The following TNRC6A variants were observed in gnomAD, a reference collection of about 807,000 sequenced individuals.
TNRC6A encodes the protein trinucleotide repeat containing adaptor 6A.
In TNRC6A, 44 loss-of-function variants were observed where a neutral mutation model predicts 221.2. That is an observed-to-expected ratio of 0.20 (90% CI 0.16 to 0.26). The LOEUF is 0.26. Among genes scored for constraint, TNRC6A ranks in the 10% least tolerant of loss-of-function variants. The pLI is 1.00. For synonymous variants in TNRC6A, 847 were observed against 838.5 expected (o/e 1.01, Z -0.18); for missense variants, 2,199 against 2,404.4 (o/e 0.91, Z 1.79).
intron 5 of TNRC6A, chr16:24,778,257 A>C: frequency 1.0e-6 from 1 of 983,982 alleles, no homozygotes; most frequent in Middle Eastern, 5.2e-4. Flanking sequence ...TAACTGTGCC[A>C]GGTAGTTACT....
chr16:24,712,883 A>AG (rs1028239555), intron 2 of TNRC6A, among the ~76,000 whole-genome samples: 1 of 147,178 alleles, frequency 6.8e-6, no homozygotes, highest in Non-Finnish European at 1.5e-5. Context: ...CCTCTTGAGA[A>AG]TTTGGGGCCA....
chr16:24,805,399 A>G lies in TNRC6A; in HGVS notation c.4123-206A>G, dbSNP rs913705122. 7 of 878,352 alleles carry G rather than the reference A, an allele frequency of 8.0e-6. No individual in the cohort carries two copies. The East Asian group carries it at 1.9e-4, about 23-fold the overall frequency. 54.4% of individuals were successfully genotyped at this position (878,352 alleles called of 1,614,324 possible). Reference sequence around the variant, plus strand: ...GGACAAAAGCAAAGTAAAATTGACTAGTTTAAGATGCACCTCTGTCATCTT... The same window carrying G: ...GGACAAAAGCAAAGTAAAATTGACTGGTTTAAGATGCACCTCTGTCATCTT... On this transcript the variant is annotated intron_variant, in intron 14 of 24. Coordinates refer to ENST00000395799, the MANE Select transcript of TNRC6A (RefSeq NM_014494.4).
chr16:24,626,226 G>A (rs1237531393), intron 1 of TNRC6A, among the ~76,000 whole-genome samples: 2 of 151,912 alleles, frequency 1.3e-5, no homozygotes, highest in Admixed American at 6.6e-5. Flanking sequence ...TTGCTCCAAT[G>A]TGCCACCAGG....
chr16:24,726,234 A>C (rs1169510092), upstream of TNRC6A, among the ~76,000 whole-genome samples: 1 of 152,090 alleles, frequency 6.6e-6, no homozygotes, highest in Non-Finnish European at 1.5e-5. Context: ...CAAGAGAATA[A>C]ATGAGATTAC....
At chr16:24,719,840 C>CA (rs59027857) in intron 2 of TNRC6A, among the ~76,000 whole-genome samples, 1,704 of 102,942 alleles carry the variant, frequency 0.017, 18 homozygotes, top group African/African-American at 0.043. Context: ...GACCTTGTCT[C>CA]AAAAAAAAAA....
chr16:24,741,140 A>G (rs1596586109), intron 2 of TNRC6A, among the ~76,000 whole-genome samples: 1 of 152,088 alleles, frequency 6.6e-6, no homozygotes, highest in African/African-American at 2.4e-5. Flanking sequence ...GTGCATGCTT[A>G]CTCACACACG....
At chr16:24,730,325 C>A (rs1596561312) in intron 2 of TNRC6A, 25 bp downstream of exon 2, 2 of 1,602,044 alleles carry the variant, frequency 1.2e-6, no homozygotes, top group East Asian at 4.6e-5. Flanking sequence ...CTTTCCGTCT[C>A]CCGCCCCACG....
In TNRC6A at chr16:24,814,302, G is replaced by A. The variant is rs572013444; in HGVS notation, c.4673-845G>A. 2.4e-3 allele frequency among the ~76,000 whole-genome samples: 359 copies of A among 152,130 alleles called. 2 individuals are homozygous for A. The highest frequency in any genetic ancestry group is 7.3e-3 in the African/African-American group (303 of 41,486). The stretch of plus-strand genomic sequence containing the variant: ...GTGGGAGCCGGCTGGAGTTGCGAGC[G>A]AGGTTCTATTTGCATCCACCTCAAA... On this transcript the variant is annotated intron_variant, in intron 18 of 24. Coordinates refer to ENST00000395799, the MANE Select transcript of TNRC6A (RefSeq NM_014494.4).
At chr16:24,749,018 G>A (rs956747188) in intron 2 of TNRC6A, among the ~76,000 whole-genome samples, 4 of 152,134 alleles carry the variant, frequency 2.6e-5, no homozygotes, top group African/African-American at 9.7e-5. Context: ...GGGACTACAG[G>A]TGCCCGCCAC....
In TNRC6A at chr16:24,682,775, C is replaced by T. The variant is rs1423261439; in HGVS notation, n.402+41766C>T. On this transcript the variant is annotated intron_variant and non_coding_transcript_variant, in intron 2 of 2. Transcript: ENST00000566108. ...GCCAGAGAATAAATGCCCCAAGCCC[C>T]GTCTCCTCCCTTCCTCAATCATCTT... is the stretch of plus-strand genomic sequence containing the variant. Among the ~76,000 whole-genome samples, 18 of 152,108 alleles carry T rather than the reference C, an allele frequency of 1.2e-4. 1 individual carries two copies. Among genetic ancestry groups the T allele is most frequent in the African/African-American group, 2.4e-5 (1 of 41,432 alleles).
chr16:24,638,720 A>C (rs1438015279), intron 1 of TNRC6A, among the ~76,000 whole-genome samples: 1 of 152,030 alleles, frequency 6.6e-6, no homozygotes, highest in East Asian at 1.9e-4. Flanking sequence ...CAAAAAAAAA[A>C]ACAAAAAACA....
chr16:24,683,451 C>T (rs890494982), intron 2 of TNRC6A, among the ~76,000 whole-genome samples: 1 of 152,168 alleles, frequency 6.6e-6, no homozygotes, highest in Non-Finnish European at 1.5e-5. Context: ...TCCCACTTGG[C>T]CTCCCAAAGT....
At chr16:24,650,845 A>G (rs1902602585) in intron 2 of TNRC6A, among the ~76,000 whole-genome samples, 1 of 152,178 alleles carries the variant, frequency 6.6e-6, no homozygotes, top group South Asian at 2.1e-4. Context: ...CTACCAAAGC[A>G]AAATTAAACT....
chr16:24,803,622 G>A (rs12599492), intron 11 of TNRC6A: 7,819 of 152,268 alleles, frequency 0.051, 632 homozygotes, highest in East Asian at 0.36. Flanking sequence ...AAACGAGGCC[G>A]GGCCTGGTGG....
chr16:24,776,546 A>T (rs2057721654), intron 4 of TNRC6A: 1 of 985,360 alleles, frequency 1.0e-6, no homozygotes, highest in East Asian at 1.1e-4. Context: ...GTTGCCAAGG[A>T]ATAGAGGATT....
intron 1 of TNRC6A, among the ~76,000 whole-genome samples, chr16:24,610,792 C>T (rs529155009): frequency 4.5e-4 from 69 of 152,082 alleles, no homozygotes; most frequent in Non-Finnish European, 8.5e-4. Context: ...TTCCCCCTTT[C>T]CACCCCCTGC....
chr16:24,758,232 A>C, intron 3 of TNRC6A, 107 bp from the exon 4 acceptor site: 1 of 1,097,814 alleles, frequency 9.1e-7, no homozygotes, highest in South Asian at 1.5e-5. Context: ...TCCTTGTTTA[A>C]TAAAGGTGTA....
At chr16:24,660,792 AGT>A (rs1036379308) in intron 2 of TNRC6A, among the ~76,000 whole-genome samples, 3 of 115,844 alleles carry the variant, frequency 2.6e-5, no homozygotes, top group African/African-American at 1.0e-4. Context: ...CCCAGGCTGG[AGT>A]GTAGTGGAGC....
chr16:24,673,416 C>T (rs9932629), intron 2 of TNRC6A, among the ~76,000 whole-genome samples: 205 of 152,226 alleles, frequency 1.3e-3, no homozygotes, highest in African/African-American at 4.8e-3. Flanking sequence ...GACAGGGCTT[C>T]GCTCACCGAG....
Sources: gnomAD v4.1 joint callset for allele counts (sites outside exome capture counted in the v4.1 genomes callset) on GRCh38, gnomAD v4.1.1 for gene constraint, MANE v1.5 for transcripts, NCBI Gene and HGNC (gene_info 2026-07-23, HGNC 2026-07-21) for gene names.